The following RPRD1A variants were observed in gnomAD, a reference collection of about 807,000 sequenced individuals.
RPRD1A encodes the protein regulation of nuclear pre-mRNA domain containing 1A.
Under a neutral mutation model 37.8 loss-of-function variants are expected in RPRD1A, and 9 were observed. That is an observed-to-expected ratio of 0.24 (90% confidence interval 0.14 to 0.42). RPRD1A has a LOEUF of 0.42. Ranked by LOEUF, RPRD1A falls within the 10% of genes least tolerant of loss-of-function variation. The pLI is 1.00. For missense variants in RPRD1A, 255 were observed against 371.0 expected (o/e 0.69, Z 2.57); for synonymous variants, 138 against 139.7 (o/e 0.99, Z 0.08).
At chr18:36,029,239 C>G (rs768489129) in intron 4 of RPRD1A, among the ~76,000 whole-genome samples, 7 of 152,160 alleles carry the variant, frequency 4.6e-5, no homozygotes, top group Non-Finnish European at 8.8e-5. Context: ...TATAAATCCA[C>G]AGTTACAGGT....
rs35470275 is a variant in RPRD1A at position 36,050,913 on chromosome 18, A to AT, written c.151+16340dup. ...TTAATGTGCACATTAGGTAAAACTG[A>AT]TTTTTTTTTTTAACTGTGGGTGTGT... is the stretch of plus-strand genomic sequence containing the variant. On this transcript the variant is annotated intron_variant, in intron 1 of 6. Coordinates refer to ENST00000399022, the MANE Select transcript of RPRD1A (RefSeq NM_018170.5). 2.6e-3 allele frequency among the ~76,000 whole-genome samples: 361 copies of AT among 138,706 alleles called. 2 individuals carry two copies. The highest frequency in any genetic ancestry group is 8.0e-3 in the African/African-American group (302 of 37,808). The allele number at this position is 138,706 out of a possible 152,430, so 91.0% of individuals were successfully genotyped here. A position where few individuals can be genotyped will look rare whatever the true frequency, so the allele number is the denominator to read the frequency against.
chr18:36,066,535 C>A (rs1323466656), intron 1 of RPRD1A, among the ~76,000 whole-genome samples: 3 of 152,214 alleles, frequency 2.0e-5, no homozygotes, highest in Non-Finnish European at 4.4e-5. Flanking sequence ...CATACATGAA[C>A]TGATTCTGAA....
At chr18:36,007,330 T>C (rs1311946198) in intron 6 of RPRD1A, among the ~76,000 whole-genome samples, 2 of 152,212 alleles carry the variant, frequency 1.3e-5, no homozygotes, top group South Asian at 2.1e-4. Flanking sequence ...CAACGGGGTC[T>C]GTAATGTGGA....
At chr18:36,024,358 G>A (rs1050921050) in intron 6 of RPRD1A, among the ~76,000 whole-genome samples, 1 of 141,062 alleles carries the variant, frequency 7.1e-6, no homozygotes, top group East Asian at 2.1e-4. Flanking sequence ...GTTTCACCAT[G>A]TCAGCCAGGC....
intron 6 of RPRD1A, among the ~76,000 whole-genome samples, chr18:36,024,318 T>TTG (rs1427770208): frequency 6.6e-6 from 1 of 150,590 alleles, no homozygotes; most frequent in African/African-American, 2.4e-5. Context: ...GGTTAATTTT[T>TTG]TTTTTTTTTT....
At chr18:36,067,134 ACCACCGCGCGCTGGCATC>A in intron 1 of RPRD1A, 102 bp downstream of exon 1, 6 of 1,079,690 alleles carry the variant, frequency 5.6e-6, no homozygotes, top group Non-Finnish European at 6.6e-6. Context: ...AAGCCCGCAG[ACCACCGCGCGCTGGCATC>A]CCGACGCCGG....
rs1911985804 is a variant in RPRD1A at position 36,033,747 on chromosome 18, A to C, written c.242T>G (p.Phe81Cys). The C allele has an allele frequency of 6.2e-7, 1 of 1,613,444 alleles. No individual in the cohort carries two copies. Among genetic ancestry groups the C allele is most frequent in the African/African-American group, 1.3e-5 (1 of 74,922 alleles). Residue 81 changes from phenylalanine (F) to cysteine (C), a missense_variant, in exon 2 of 7, where the codon TTT becomes TGT. By Grantham distance (205) the Phe-to-Cys change is radical (BLOSUM62 -2). Around this residue, in one of 2 missense-constraint regions of RPRD1A, gnomAD observed 44 missense variants for 102.1 expected, o/e 0.43. Transcript: ENST00000399022. ...AAAAGCCTCCACTATAACTGGTGCAAAATCTTTTGTAAACTCTGGCCCCTT... is the reference window on the plus strand; with the variant it reads ...AAAAGCCTCCACTATAACTGGTGCACAATCTTTTGTAAACTCTGGCCCCTT... ...KRKGPEFTKD[F>C]APVIVEAFKH...
At chr18:36,017,342 G>T (rs1479832260) in intron 6 of RPRD1A, among the ~76,000 whole-genome samples, 1 of 152,084 alleles carries the variant, frequency 6.6e-6, no homozygotes, top group Non-Finnish European at 1.5e-5. Flanking sequence ...ACCCACTGTA[G>T]TTCAGGCTTT....
intron 5 of RPRD1A, 32 bp downstream of exon 5, chr18:36,027,152 A>G (rs1461362841): frequency 6.8e-6 from 11 of 1,613,150 alleles, no homozygotes; most frequent in Non-Finnish European, 8.5e-6. Context: ...CCAACTCCCA[A>G]AAAAGTTCTG....
chr18:36,015,213 CT>C (rs1198425451), intron 6 of RPRD1A, among the ~76,000 whole-genome samples: 3,184 of 131,272 alleles, frequency 0.024, 35 homozygotes, highest in Non-Finnish European at 0.028. Flanking sequence ...CATTCACATA[CT>C]TTTTTTTTTT....
chr18:36,046,251 T>C (rs977333673), intron 1 of RPRD1A, among the ~76,000 whole-genome samples: 3 of 152,072 alleles, frequency 2.0e-5, no homozygotes, highest in African/African-American at 4.8e-5. Context: ...CCAACATCCC[T>C]ACCAGAGCAG....
At chr18:36,061,696 A>T (rs941620473) in intron 1 of RPRD1A, among the ~76,000 whole-genome samples, 5 of 152,246 alleles carry the variant, frequency 3.3e-5, no homozygotes, top group Non-Finnish European at 4.4e-5. Flanking sequence ...CTATTAAGAA[A>T]GTAAAAAGAC....
Position 35,991,536 on chromosome 18 carries a change from T to C in RPRD1A, c.*1615A>G, listed in dbSNP as rs1203690712. On this transcript the variant is annotated 3_prime_UTR_variant, in exon 7 of 7. Transcript: ENST00000399022. ...GACATTCATGGTTAGGTGGATTCAG[T>C]TCCCAGGTGAGCTATCAGCGGTAGT... 1 of 152,204 alleles carries C rather than the reference T, an allele frequency of 6.6e-6. No individual in the cohort carries two copies. The highest frequency in any genetic ancestry group is 2.4e-5 in the African/African-American group (1 of 41,428). The allele number at this position is 152,204 out of a possible 1,614,324, so 9.4% of individuals were successfully genotyped here.
Position 36,052,706 on chromosome 18 carries a change from C to G in RPRD1A, c.151+14548G>C, listed in dbSNP as rs1913487365. On this transcript the variant is annotated intron_variant, in intron 1 of 6. Transcript: ENST00000399022. ...CTCCACCTCCCGAGCTCAAGCGATT[C>G]TCCTTCCTCAGCCTCCTGAGTAGCT... 2.6e-5 allele frequency among the ~76,000 whole-genome samples: 4 copies of G among 152,158 alleles called. No individual in the cohort carries two copies. The South Asian group carries it at 8.3e-4, about 32-fold the overall frequency.
chr18:35,993,930 T>A (rs946877132), intron 6 of RPRD1A, among the ~76,000 whole-genome samples: 4 of 152,152 alleles, frequency 2.6e-5, no homozygotes, highest in African/African-American at 9.7e-5. Context: ...GAAAAGAAGT[T>A]CCTTCTTATG....
intron 6 of RPRD1A, among the ~76,000 whole-genome samples, chr18:36,011,888 G>C (rs74490653): frequency 1.3e-5 from 2 of 152,112 alleles, no homozygotes; most frequent in Non-Finnish European, 2.9e-5. Flanking sequence ...ATCAATCTTG[G>C]TCCAAAACTA....
At chr18:36,011,667 G>A (rs1305977102) in intron 6 of RPRD1A, among the ~76,000 whole-genome samples, 2 of 152,138 alleles carry the variant, frequency 1.3e-5, no homozygotes, top group African/African-American at 4.8e-5. Flanking sequence ...AAAAAGAGAG[G>A]TTTGAGATAG....
intron 6 of RPRD1A, among the ~76,000 whole-genome samples, chr18:35,998,481 C>T (rs561577232): frequency 9.2e-5 from 14 of 152,232 alleles, no homozygotes; most frequent in African/African-American, 3.4e-4. Context: ...CACTTTACTT[C>T]TTCTCCTCCG....
At chr18:36,035,098 C>T (rs1285093123) in intron 1 of RPRD1A, among the ~76,000 whole-genome samples, 1 of 152,210 alleles carries the variant, frequency 6.6e-6, no homozygotes, top group Non-Finnish European at 1.5e-5. Flanking sequence ...AGATAAACCA[C>T]AGTGTACAAC....
Sources: allele counts gnomAD v4.1 joint callset (sites outside exome capture counted in the v4.1 genomes callset), GRCh38; gene constraint gnomAD v4.1.1; regional missense constraint gnomAD v4.1.1; transcripts MANE v1.5; gene names NCBI Gene and HGNC (gene_info 2026-07-23, HGNC 2026-07-21).